Variants in ULK4 observed in about 807,000 individuals in gnomAD.
The protein encoded by ULK4 is unc-51 like kinase 4.
ULK4 carries 133 observed loss-of-function variants against 160.6 expected under a neutral mutation model. That is an observed-to-expected ratio of 0.83 (90% CI 0.72 to 0.96). The LOEUF is 0.96. Among genes scored for constraint, ULK4 ranks in the 40% least tolerant of loss-of-function variants. The pLI is 0.00. For missense variants in ULK4, 1,580 were observed against 1,499.5 expected, an observed-to-expected ratio of 1.05 and a Z score of -0.89; for synonymous variants, 534 against 539.8, an observed-to-expected ratio of 0.99 and a Z score of 0.15.
At chr3:41,283,668 T>C (rs1229961520) in intron 35 of ULK4, among the ~76,000 whole-genome samples, 2 of 151,892 alleles carry the variant, frequency 1.3e-5, no homozygotes, top group Non-Finnish European at 2.9e-5. Context: ...GGGGGAGGGA[T>C]AGCATTAGGA....
chr3:41,605,260 T>C (rs2032321570), intron 31 of ULK4, among the ~76,000 whole-genome samples: 2 of 151,840 alleles, frequency 1.3e-5, no homozygotes, highest in Admixed American at 6.6e-5. Flanking sequence ...AATATAATAA[T>C]ATCAAAAATT....
chr3:41,580,381 T>A (rs1055112482), intron 31 of ULK4, among the ~76,000 whole-genome samples: 141 of 152,206 alleles, frequency 9.3e-4, no homozygotes, highest in African/African-American at 2.9e-3. Context: ...TATTTATTTT[T>A]TTTTTTTTAA....
chr3:41,465,326 A>G (rs2083803297), intron 32 of ULK4, among the ~76,000 whole-genome samples: 1 of 152,178 alleles, frequency 6.6e-6, no homozygotes. Flanking sequence ...CTGTCTTTTG[A>G]AAAGCATTTT....
chr3:41,485,709 C>T (rs1368088379), intron 32 of ULK4, among the ~76,000 whole-genome samples: 1 of 152,130 alleles, frequency 6.6e-6, no homozygotes, highest in African/African-American at 2.4e-5. Flanking sequence ...TAAATGACAA[C>T]AATCAGCAGG....
At chr3:41,815,349 TTC>T in intron 19 of ULK4, among the ~76,000 whole-genome samples, 1 of 152,258 alleles carries the variant, frequency 6.6e-6, no homozygotes, top group Non-Finnish European at 1.5e-5. Flanking sequence ...TCTTTTTTGT[TTC>T]TTTTTTTCCT....
chr3:41,691,144 C>T (rs1328938914), intron 27 of ULK4, among the ~76,000 whole-genome samples: 1 of 151,814 alleles, frequency 6.6e-6, no homozygotes, highest in Non-Finnish European at 1.5e-5. Flanking sequence ...TGGTATATGA[C>T]CTTCTAGGAA....
chr3:41,648,048 A>G (rs1181765295), intron 30 of ULK4, among the ~76,000 whole-genome samples: 4 of 152,304 alleles, frequency 2.6e-5, no homozygotes, highest in African/African-American at 9.6e-5. Context: ...AGCCCGTCGG[A>G]AAAGCGCAGT....
chr3:41,389,173 G>T (rs557867965), intron 35 of ULK4, among the ~76,000 whole-genome samples: 2 of 152,114 alleles, frequency 1.3e-5, no homozygotes, highest in Non-Finnish European at 2.9e-5. Context: ...TTGGCTCTCT[G>T]TCTGTTATTG....
chr3:41,795,477 A>C (rs534872002), intron 20 of ULK4, among the ~76,000 whole-genome samples: 22 of 152,326 alleles, frequency 1.4e-4, no homozygotes, highest in African/African-American at 4.8e-4. Context: ...CTTAACTTGC[A>C]ATCAACAGGC....
intron 17 of ULK4, among the ~76,000 whole-genome samples, chr3:41,860,643 A>G (rs962188219): frequency 2.6e-5 from 4 of 152,168 alleles, no homozygotes; most frequent in African/African-American, 9.7e-5. Flanking sequence ...CTTGTAGGCA[A>G]CAATCAATGG....
chr3:41,831,215 G>A (rs559866289), intron 18 of ULK4, among the ~76,000 whole-genome samples: 2 of 151,770 alleles, frequency 1.3e-5, no homozygotes, highest in East Asian at 1.9e-4. Context: ...TTTTTTAGAC[G>A]AGGTTTCACC....
chr3:41,857,353 G>C (rs2042384871), intron 17 of ULK4, among the ~76,000 whole-genome samples: 1 of 152,092 alleles, frequency 6.6e-6, no homozygotes, highest in South Asian at 2.1e-4. Flanking sequence ...CTAGTATTTT[G>C]TTGAGGATTT....
chr3:41,905,391 A>T (rs188636843), intron 12 of ULK4, among the ~76,000 whole-genome samples: 72 of 152,376 alleles, frequency 4.7e-4, no homozygotes, highest in African/African-American at 1.7e-3. Context: ...TCTTAGAAGA[A>T]AACATAGGCA....
At chr3:41,651,290 A>G (rs942314504) in intron 30 of ULK4, among the ~76,000 whole-genome samples, 17 of 151,976 alleles carry the variant, frequency 1.1e-4, no homozygotes, top group Admixed American at 3.3e-4. Context: ...CCTCTCCTCA[A>G]TCCTACATTT....
intron 31 of ULK4, among the ~76,000 whole-genome samples, chr3:41,592,594 A>T (rs988146510): frequency 6.6e-6 from 1 of 152,258 alleles, no homozygotes; most frequent in African/African-American, 2.4e-5. Context: ...CAATAAAAAT[A>T]AAATTTGTTG....
chr3:41,262,225 A>C (rs1224666243), intron 35 of ULK4, among the ~76,000 whole-genome samples: 2 of 152,184 alleles, frequency 1.3e-5, no homozygotes, highest in Non-Finnish European at 2.9e-5. Context: ...TGACATTTCC[A>C]TGAGTAGTGA....
At chr3:41,546,894 T>C (rs1345614751) in intron 32 of ULK4, among the ~76,000 whole-genome samples, 1 of 152,178 alleles carries the variant, frequency 6.6e-6, no homozygotes, top group Admixed American at 6.5e-5. Flanking sequence ...TTCTGGCCTC[T>C]GCTGATTTTG....
intron 17 of ULK4, among the ~76,000 whole-genome samples, chr3:41,837,200 A>G (rs897456054): frequency 6.6e-6 from 1 of 152,212 alleles, no homozygotes; most frequent in African/African-American, 2.4e-5. Flanking sequence ...CTGTAGGAGT[A>G]CTTGTTAATG....
chr3:41,683,383 T>C lies in ULK4; in HGVS notation c.2782-1579A>G, dbSNP rs1444765028. 5.9e-5 allele frequency among the ~76,000 whole-genome samples: 9 copies of C among 152,006 alleles called. No homozygotes were observed. The East Asian group carries it at 1.8e-3, about 30-fold the overall frequency. ...CAGTAACATATTCATTCAGGGCTTGTCTGCGATCACCAGACATGGGGTGCT... is the reference window on the plus strand; with the variant it reads ...CAGTAACATATTCATTCAGGGCTTGCCTGCGATCACCAGACATGGGGTGCT... On this transcript the variant is annotated intron_variant, in intron 27 of 36. Coordinates refer to ENST00000301831, the MANE Select transcript of ULK4 (RefSeq NM_017886.4).
Sources: gnomAD v4.1 joint callset for allele counts (sites outside exome capture counted in the v4.1 genomes callset) on GRCh38, gnomAD v4.1.1 for gene constraint, MANE v1.5 for transcripts, NCBI Gene and HGNC (gene_info 2026-07-23, HGNC 2026-07-21) for gene names.